JCAD: variants seen among roughly 807,000 people sequenced by gnomAD.
JCAD encodes junctional cadherin 5 associated.
A neutral mutation model predicts 98.0 loss-of-function variants in JCAD; 40 were observed. The observed-to-expected ratio is 0.41, with a 90% confidence interval of 0.32 to 0.53. The LOEUF (loss-of-function observed/expected upper bound fraction) is 0.53. JCAD is among the 20% of genes least tolerant of loss of function. The probability of loss-of-function intolerance (pLI) is 0.31; values close to 1 mark genes in which losing one functional copy is unlikely to be tolerated. For synonymous variants in JCAD, 691 were observed against 682.3 expected, an observed-to-expected ratio of 1.01 and a Z score of -0.20; for missense variants, 1,705 against 1,738.1, an observed-to-expected ratio of 0.98 and a Z score of 0.34.
At chr10:30,035,283 CA>C (rs1203397207) in intron 2 of JCAD, among the ~76,000 whole-genome samples, 3 of 152,328 alleles carry the variant, frequency 2.0e-5, no homozygotes, top group African/African-American at 7.2e-5. Context: ...CCATATATAA[CA>C]AACCAAAATA....
chr10:30,019,371 A>AG (rs1836609951), intron 3 of JCAD, among the ~76,000 whole-genome samples: 1 of 151,302 alleles, frequency 6.6e-6, no homozygotes. Context: ...AAAAAAAAAA[A>AG]AAAAAAGAAA....
chr10:30,092,098 T>TAAATA (rs1554802539), intron 1 of JCAD, among the ~76,000 whole-genome samples: 3 of 44,594 alleles, frequency 6.7e-5, no homozygotes, highest in Non-Finnish European at 1.1e-4. Context: ...TAAAGTTACT[T>TAAATA]TATATATATA....
intron 1 of JCAD, among the ~76,000 whole-genome samples, chr10:30,105,459 G>A (rs573205206): frequency 2.2e-3 from 332 of 151,776 alleles, no homozygotes; most frequent in Non-Finnish European, 3.6e-3. Context: ...GAGTAGCTGG[G>A]ATTACAGACA....
intron 1 of JCAD, among the ~76,000 whole-genome samples, chr10:30,077,380 G>A (rs1327163184): frequency 6.6e-6 from 1 of 152,140 alleles, no homozygotes; most frequent in African/African-American, 2.4e-5. Context: ...GGGTTCAAGT[G>A]ATTCTCCTGC....
At chr10:30,056,328 T>C (rs1165552885) in intron 1 of JCAD, among the ~76,000 whole-genome samples, 1 of 152,208 alleles carries the variant, frequency 6.6e-6, no homozygotes, top group Non-Finnish European at 1.5e-5. Context: ...TTTCATATGA[T>C]CTTTACATTT....
intron 1 of JCAD, among the ~76,000 whole-genome samples, chr10:30,102,126 T>C (rs931840554): frequency 6.6e-6 from 1 of 152,194 alleles, no homozygotes; most frequent in Admixed American, 6.5e-5. Context: ...TATTATTTTA[T>C]TGTGGTAAGA....
At chr10:30,095,161 G>A (rs900269536) in intron 1 of JCAD, among the ~76,000 whole-genome samples, 2 of 151,992 alleles carry the variant, frequency 1.3e-5, no homozygotes, top group Non-Finnish European at 2.9e-5. Flanking sequence ...TCCTTCCCTG[G>A]TTCATGCCTC....
chr10:30,072,688 T>C (rs1422691207), intron 1 of JCAD, among the ~76,000 whole-genome samples: 1 of 151,940 alleles, frequency 6.6e-6, no homozygotes, highest in Non-Finnish European at 1.5e-5. Flanking sequence ...AGTCTCACTC[T>C]GCCGACCAGG....
intron 1 of JCAD, among the ~76,000 whole-genome samples, chr10:30,090,715 G>T (rs1178898217): frequency 6.6e-6 from 1 of 152,164 alleles, no homozygotes; most frequent in Non-Finnish European, 1.5e-5. Context: ...CCAAATCACT[G>T]TAGGGAACGT....
intron 1 of JCAD, among the ~76,000 whole-genome samples, chr10:30,104,314 A>G (rs915888926): frequency 6.6e-6 from 1 of 152,166 alleles, no homozygotes; most frequent in Non-Finnish European, 1.5e-5. Flanking sequence ...TGGTTTATAC[A>G]TGGAATCAAC....
chr10:30,105,143 C>T (rs1458825460), intron 1 of JCAD, among the ~76,000 whole-genome samples: 5 of 152,040 alleles, frequency 3.3e-5, no homozygotes, highest in African/African-American at 1.2e-4. Flanking sequence ...GCTGTCCTGC[C>T]CTGTATTACT....
chr10:30,020,536 A>G (rs912978033), intron 3 of JCAD, among the ~76,000 whole-genome samples: 1 of 152,168 alleles, frequency 6.6e-6, no homozygotes, highest in Non-Finnish European at 1.5e-5. Context: ...GACAGCATTC[A>G]GAGTACTTAA....
intron 2 of JCAD, among the ~76,000 whole-genome samples, chr10:30,033,456 C>A (rs1244602988): frequency 6.6e-6 from 1 of 152,132 alleles, no homozygotes; most frequent in African/African-American, 2.4e-5. Context: ...GTCAAACTGA[C>A]CTTAGATAAA....
At position 30,032,465 on chromosome 10, in the gene JCAD, C is replaced by T. The variant is rs913810999; in HGVS notation, c.282-2599G>A. ...ACCCATGAATGATCAGAGACTAGGG[C>T]CATGTAATAGGGAAAAACCATTAAC... is the stretch of plus-strand genomic sequence containing the variant. On this transcript the variant is annotated intron_variant, in intron 2 of 3. Coordinates refer to ENST00000375377, the MANE Select transcript of JCAD (RefSeq NM_020848.4). Among the ~76,000 whole-genome samples the T allele has an allele frequency of 2.0e-5, 3 of 152,106 alleles. No individual in the cohort carries two copies. In the East Asian group the frequency reaches 5.8e-4, roughly 29 times the overall value.
At chr10:30,079,077 A>G (rs945368279) in intron 1 of JCAD, among the ~76,000 whole-genome samples, 2 of 152,180 alleles carry the variant, frequency 1.3e-5, no homozygotes, top group Non-Finnish European at 2.9e-5. Flanking sequence ...CAGCCTAGAA[A>G]TCTGGCTGAA....
In JCAD at chr10:30,015,823, T is replaced by C. The variant is rs2132595117; in HGVS notation, c.*2060A>G. 6.6e-6 allele frequency: 1 copy of C among 152,300 alleles called. No homozygotes were observed. The highest frequency in any genetic ancestry group is 2.1e-4 in the South Asian group (1 of 4,824). 9.4% of individuals were successfully genotyped at this position (152,300 alleles called of 1,614,324 possible). A position where few individuals can be genotyped will look rare whatever the true frequency, so the allele number is the denominator to read the frequency against. ...GCACGTATATAAATGTATATACACA[T>C]ATACCTTCTTACGTTTGCATTTAAA... On this transcript the variant is annotated 3_prime_UTR_variant, in exon 4 of 4. Transcript: ENST00000375377.
intron 2 of JCAD, among the ~76,000 whole-genome samples, chr10:30,032,575 T>A (rs1328686335): frequency 6.6e-6 from 1 of 152,216 alleles, no homozygotes; most frequent in Non-Finnish European, 1.5e-5. Flanking sequence ...AGGATAGCTG[T>A]TTGCTTTTTA....
intron 3 of JCAD, among the ~76,000 whole-genome samples, chr10:30,023,262 T>A (rs1173932954): frequency 6.6e-6 from 1 of 152,158 alleles, no homozygotes; most frequent in Non-Finnish European, 1.5e-5. Context: ...AGTCTTGAAC[T>A]CCTGACCTCA....
intron 1 of JCAD, among the ~76,000 whole-genome samples, chr10:30,057,819 C>T (rs1037672867): frequency 6.6e-6 from 1 of 152,184 alleles, no homozygotes; most frequent in East Asian, 1.9e-4. Context: ...AAGAATTAGA[C>T]ACCTAATGTC....
Sources: gnomAD v4.1 joint callset for allele counts (sites outside exome capture counted in the v4.1 genomes callset) on GRCh38, gnomAD v4.1.1 for gene constraint, MANE v1.5 for transcripts, NCBI Gene and HGNC (gene_info 2026-07-23, HGNC 2026-07-21) for gene names.